Variants in SHANK2 observed in about 807,000 individuals in gnomAD.
SHANK2 encodes SH3 and multiple ankyrin repeat domains 2.
A neutral mutation model predicts 133.7 loss-of-function variants in SHANK2; 43 were observed. That is an observed-to-expected ratio of 0.32 (90% CI 0.25 to 0.41). The LOEUF is 0.41. Among genes scored for constraint, SHANK2 ranks in the 10% least tolerant of loss-of-function variants. The pLI, the probability that SHANK2 is intolerant of heterozygous loss-of-function variation, is 1.00. For synonymous variants in SHANK2, 1,017 were observed against 952.8 expected, an observed-to-expected ratio of 1.07 and a Z score of -1.24; for missense variants, 1,994 against 2,235.8, an observed-to-expected ratio of 0.89 and a Z score of 2.18.
chr11:70,711,601 G>T (rs1945785402), intron 14 of SHANK2, among the ~76,000 whole-genome samples: 2 of 152,244 alleles, frequency 1.3e-5, no homozygotes, highest in Admixed American at 1.3e-4. Context: ...CCGGCCTCCA[G>T]GCTCAGGACT....
intron 25 of SHANK2, among the ~76,000 whole-genome samples, chr11:70,477,807 C>G (rs2058682689): frequency 6.6e-6 from 1 of 152,196 alleles, no homozygotes. Flanking sequence ...CCCTGGGCTG[C>G]CCGCCCTGCC....
At chr11:71,135,117 C>T (rs1952411933) in intron 3 of SHANK2, among the ~76,000 whole-genome samples, 1 of 152,122 alleles carries the variant, frequency 6.6e-6, no homozygotes, top group Non-Finnish European at 1.5e-5. Flanking sequence ...GGCTGGCTGT[C>T]CCTGAAGACC....
intron 1 of SHANK2, among the ~76,000 whole-genome samples, chr11:71,225,268 C>T (rs1023334093): frequency 3.3e-5 from 5 of 152,214 alleles, no homozygotes; most frequent in Admixed American, 2.0e-4. Flanking sequence ...CAGCCCCACC[C>T]ACAGCAGCAA....
At chr11:70,928,632 G>A (rs1950461636) in intron 10 of SHANK2, among the ~76,000 whole-genome samples, 1 of 151,948 alleles carries the variant, frequency 6.6e-6, no homozygotes, top group South Asian at 2.1e-4. Flanking sequence ...GACTGGGTGG[G>A]GGCATAGGAG....
At position 71,110,744 on chromosome 11, in the gene SHANK2, G is replaced by C. The variant is rs540502042; in HGVS notation, c.484-695C>G. On this transcript the variant is annotated intron_variant, in intron 5 of 25. Transcript: ENST00000601538. ...ACAGGGTGAGCACAGTGTCTGGCAC[G>C]TGACAAGTACAATCGGCCTATCCTG... Among the ~76,000 whole-genome samples, 11 of 152,300 alleles carry C rather than the reference G, an allele frequency of 7.2e-5. No homozygotes were observed. In the South Asian group the frequency reaches 2.3e-3, roughly 32 times the overall value.
intron 2 of SHANK2, among the ~76,000 whole-genome samples, chr11:71,168,437 G>C (rs1259974165): frequency 4.6e-5 from 7 of 152,032 alleles, no homozygotes; most frequent in Non-Finnish European, 8.8e-5. Context: ...GCCGGGCAGA[G>C]GCTGCAATCT....
intron 15 of SHANK2, among the ~76,000 whole-genome samples, chr11:70,670,383 T>A (rs1031325410): frequency 6.6e-6 from 1 of 152,104 alleles, no homozygotes. Context: ...AGCAGTTACG[T>A]GGGGGGTGTT....
intron 11 of SHANK2, among the ~76,000 whole-genome samples, chr11:70,888,139 A>G (rs1294901512): frequency 6.6e-6 from 1 of 152,002 alleles, no homozygotes; most frequent in African/African-American, 2.4e-5. Context: ...CCCACCCAAG[A>G]GGCCAGGAAC....
chr11:70,925,995 T>C (rs561915399), intron 10 of SHANK2, among the ~76,000 whole-genome samples: 1 of 152,312 alleles, frequency 6.6e-6, no homozygotes, highest in African/African-American at 2.4e-5. Flanking sequence ...TTGTATCGGC[T>C]GGGTGTGGTG....
chr11:70,801,394 AG>A (rs1948042835), intron 13 of SHANK2, among the ~76,000 whole-genome samples: 1 of 152,050 alleles, frequency 6.6e-6, no homozygotes, highest in Admixed American at 6.6e-5. Context: ...GGAATGGAGG[AG>A]GGGGCCCCTT....
intron 17 of SHANK2, among the ~76,000 whole-genome samples, chr11:70,575,157 G>C (rs2060099995): frequency 6.6e-6 from 1 of 152,156 alleles, no homozygotes; most frequent in Non-Finnish European, 1.5e-5. Context: ...AGGACACTGG[G>C]GTCCAGGCCA....
intron 9 of SHANK2, among the ~76,000 whole-genome samples, chr11:71,061,601 C>T (rs1267462172): frequency 6.6e-6 from 1 of 152,160 alleles, no homozygotes; most frequent in Non-Finnish European, 1.5e-5. Flanking sequence ...CTCCTTCCAC[C>T]CCCAGCAATG....
intron 14 of SHANK2, among the ~76,000 whole-genome samples, chr11:70,783,017 G>T (rs1555045558): frequency 6.6e-6 from 1 of 152,152 alleles, no homozygotes; most frequent in South Asian, 2.1e-4. Context: ...CCCAAGATGG[G>T]ATTCCTGCCG....
chr11:70,778,867 G>A (rs75357456), intron 14 of SHANK2, among the ~76,000 whole-genome samples: 1,884 of 152,204 alleles, frequency 0.012, 37 homozygotes, highest in African/African-American at 0.042. Flanking sequence ...GTGAATGTCC[G>A]GGCCATGTCA....
chr11:70,806,304 C>A (rs1308349310), intron 13 of SHANK2, among the ~76,000 whole-genome samples: 3 of 152,196 alleles, frequency 2.0e-5, no homozygotes, highest in Admixed American at 6.5e-5. Context: ...TTCCTACCAC[C>A]CCACACAACC....
intron 11 of SHANK2, among the ~76,000 whole-genome samples, chr11:70,821,281 C>T (rs1039879969): frequency 6.6e-6 from 1 of 152,118 alleles, no homozygotes; most frequent in Non-Finnish European, 1.5e-5. Context: ...GACACACACA[C>T]AGGGATGACC....
intron 1 of SHANK2, among the ~76,000 whole-genome samples, chr11:71,236,039 C>T (rs187017610): frequency 3.2e-4 from 49 of 152,276 alleles, no homozygotes; most frequent in East Asian, 9.7e-4. Context: ...CTGGCCATTC[C>T]GTTCTTCCTG....
intron 3 of SHANK2, among the ~76,000 whole-genome samples, chr11:71,131,231 A>T (rs1284829470): frequency 6.6e-6 from 1 of 152,366 alleles, no homozygotes; most frequent in Non-Finnish European, 1.5e-5. Context: ...ACAGAGGCCC[A>T]TTGGGCTGGT....
In SHANK2 at chr11:70,746,790, T is replaced by C. The variant is rs76318453; in HGVS notation, c.1778-48027A>G. Among the ~76,000 whole-genome samples, 999 of 144,010 alleles carry C rather than the reference T, an allele frequency of 6.9e-3. 14 individuals carry two copies. Among genetic ancestry groups the C allele is most frequent in the African/African-American group, 0.025 (959 of 38,174 alleles). 94.5% of individuals were successfully genotyped at this position (144,010 alleles called of 152,430 possible). A position where few individuals can be genotyped will look rare whatever the true frequency, so the allele number is the denominator to read the frequency against. ...ATGTCACACGACCTCCCACCTCAGCTCCTCTATGCCCCGCTGCCCCCACAC... is the reference window on the plus strand; with the variant it reads ...ATGTCACACGACCTCCCACCTCAGCCCCTCTATGCCCCGCTGCCCCCACAC... On this transcript the variant is annotated intron_variant, in intron 14 of 25. Transcript: ENST00000601538.
Sources: allele counts gnomAD v4.1 joint callset (sites outside exome capture counted in the v4.1 genomes callset), GRCh38; gene constraint gnomAD v4.1.1; transcripts MANE v1.5; gene names NCBI Gene and HGNC (gene_info 2026-07-23, HGNC 2026-07-21).